Variants in CRPPA observed in about 807,000 individuals in gnomAD.
CRPPA encodes CDP-L-ribitol pyrophosphorylase A.
A neutral mutation model predicts 52.0 loss-of-function variants in CRPPA; 43 were observed. The observed-to-expected ratio is 0.83, with a 90% CI of 0.65 to 1.07. CRPPA has a LOEUF of 1.07. Ranked by LOEUF, CRPPA falls within the 50% of genes least tolerant of loss-of-function variation. CRPPA has a pLI of 0.00. For missense variants in CRPPA, 629 were observed against 551.7 expected (o/e 1.14, Z -1.40); for synonymous variants, 250 against 203.5 (o/e 1.23, Z -1.94).
intron 9 of CRPPA, among the ~76,000 whole-genome samples, chr7:16,168,358 C>A (rs1348326921): frequency 6.6e-6 from 1 of 152,022 alleles, no homozygotes; most frequent in Non-Finnish European, 1.5e-5. Flanking sequence ...TATGACATAT[C>A]TGGAATCCTT....
chr7:16,242,941 T>C (rs1783164930), intron 8 of CRPPA, among the ~76,000 whole-genome samples: 1 of 152,190 alleles, frequency 6.6e-6, no homozygotes, highest in South Asian at 2.1e-4. Flanking sequence ...CACACGACAA[T>C]TTCAGGCCAC....
chr7:16,107,739 A>T (rs1782185770), intron 9 of CRPPA, among the ~76,000 whole-genome samples: 1 of 152,126 alleles, frequency 6.6e-6, no homozygotes, highest in Non-Finnish European at 1.5e-5. Context: ...TAATGATGGT[A>T]AGACCTAGTA....
chr7:16,404,593 T>A (rs916795654), intron 2 of CRPPA, among the ~76,000 whole-genome samples: 3 of 151,078 alleles, frequency 2.0e-5, no homozygotes, highest in Admixed American at 6.6e-5. Flanking sequence ...TGAGCTTAAG[T>A]GAATTTTCCA....
chr7:16,153,995 C>T (rs1459853936), intron 9 of CRPPA, among the ~76,000 whole-genome samples: 1 of 150,804 alleles, frequency 6.6e-6, no homozygotes, highest in Admixed American at 6.7e-5. Context: ...ACAAGTGTAT[C>T]AGGAAAGCCT....
intron 8 of CRPPA, among the ~76,000 whole-genome samples, chr7:16,250,989 T>G (rs1051631810): frequency 3.3e-5 from 5 of 151,768 alleles, no homozygotes; most frequent in African/African-American, 1.2e-4. Context: ...CCATCTCACA[T>G]GCAAAGACAT....
At chr7:16,135,788 C>A (rs1170404484) in intron 9 of CRPPA, among the ~76,000 whole-genome samples, 1 of 152,140 alleles carries the variant, frequency 6.6e-6, no homozygotes, top group Non-Finnish European at 1.5e-5. Flanking sequence ...ATATGAGCAA[C>A]CACAAACAGT....
At chr7:16,294,794 A>G (rs1038835163) in intron 5 of CRPPA, among the ~76,000 whole-genome samples, 2 of 151,994 alleles carry the variant, frequency 1.3e-5, no homozygotes, top group Admixed American at 6.6e-5. Flanking sequence ...ATCCCTGGGT[A>G]TTTAACAAGA....
chr7:16,212,808 G>A (rs1048948692), intron 9 of CRPPA, among the ~76,000 whole-genome samples: 1 of 152,280 alleles, frequency 6.6e-6, no homozygotes, highest in South Asian at 2.1e-4. Flanking sequence ...GCTTGTCCGA[G>A]GTGATATAAC....
intron 5 of CRPPA, among the ~76,000 whole-genome samples, chr7:16,295,491 G>A (rs1784652318): frequency 6.6e-6 from 1 of 151,966 alleles, no homozygotes; most frequent in South Asian, 2.1e-4. Context: ...AAGTTTACTT[G>A]GGTTTGTACA....
chr7:16,385,355 A>G (rs527980949), intron 2 of CRPPA, among the ~76,000 whole-genome samples: 1 of 152,330 alleles, frequency 6.6e-6, no homozygotes, highest in Non-Finnish European at 1.5e-5. Context: ...TAGACACATC[A>G]TAGTAAAAGT....
chr7:16,151,809 G>A (rs570018803), intron 9 of CRPPA, among the ~76,000 whole-genome samples: 12 of 151,766 alleles, frequency 7.9e-5, no homozygotes, highest in African/African-American at 2.9e-4. Flanking sequence ...CATTTTCAAC[G>A]TAATTTTTCT....
chr7:16,372,902 C>T (rs932172542), intron 3 of CRPPA, among the ~76,000 whole-genome samples: 5 of 152,072 alleles, frequency 3.3e-5, no homozygotes, highest in African/African-American at 1.2e-4. Flanking sequence ...ATCCTTATAC[C>T]AGAAAAAGGG....
intron 9 of CRPPA, among the ~76,000 whole-genome samples, chr7:16,095,845 T>C (rs1781925107): frequency 6.6e-6 from 1 of 152,202 alleles, no homozygotes; most frequent in Admixed American, 6.5e-5. Context: ...TAAAAATTCC[T>C]TCAGTCCTTG....
intron 6 of CRPPA, among the ~76,000 whole-genome samples, chr7:16,262,656 G>A (rs1783839805): frequency 6.6e-6 from 1 of 152,096 alleles, no homozygotes; most frequent in Non-Finnish European, 1.5e-5. Flanking sequence ...AATTTTCTCT[G>A]TCTCTATGAG....
intron 2 of CRPPA, 125 bp from the exon 3 acceptor site, chr7:16,376,366 T>C (rs567130309): frequency 3.1e-5 from 29 of 937,912 alleles, no homozygotes; most frequent in Admixed American, 2.5e-4. Flanking sequence ...TAAGAAAACA[T>C]CTGAGTAAGT....
chr7:16,378,023 G>A (rs1468718628), intron 2 of CRPPA, among the ~76,000 whole-genome samples: 1 of 152,020 alleles, frequency 6.6e-6, no homozygotes, highest in Non-Finnish European at 1.5e-5. Context: ...AGAGTAGGGA[G>A]TTTACTCCAA....
intron 3 of CRPPA, among the ~76,000 whole-genome samples, chr7:16,370,682 C>T (rs1447885043): frequency 6.6e-6 from 1 of 152,118 alleles, no homozygotes; most frequent in Non-Finnish European, 1.5e-5. Context: ...AATTGCAGTG[C>T]TGTGCAGTAG....
In CRPPA at chr7:16,241,946, CTTTTT is replaced by C. The variant is rs71549979; in HGVS notation, c.1119+16439_1119+16443del. Among the ~76,000 whole-genome samples the C allele has an allele frequency of 7.9e-4, 44 of 55,398 alleles. 1 individual carries two copies. The highest frequency in any genetic ancestry group is 5.1e-4 in the Admixed American group (2 of 3,942). The allele number at this position is 55,398 out of a possible 152,430, so 36.3% of individuals were successfully genotyped here. A position where few individuals can be genotyped will look rare whatever the true frequency, so the allele number is the denominator to read the frequency against. On this transcript the variant is annotated intron_variant, in intron 8 of 9. Coordinates refer to ENST00000407010, the MANE Select transcript of CRPPA (RefSeq NM_001101426.4). ...TGTTTAATGTAGTTAAAAATCTATTCTTTTTTTTTTTTTTTTTTTTTTGTTGGGGG... is the reference window on the plus strand; with the variant it reads ...TGTTTAATGTAGTTAAAAATCTATTCTTTTTTTTTTTTTTTTTGTTGGGGG...
At chr7:16,384,993 A>G (rs1562669635) in intron 2 of CRPPA, among the ~76,000 whole-genome samples, 1 of 152,216 alleles carries the variant, frequency 6.6e-6, no homozygotes, top group Non-Finnish European at 1.5e-5. Flanking sequence ...GCAGTTTAAA[A>G]ATACAGAAAT....
Sources: allele counts gnomAD v4.1 joint callset (sites outside exome capture counted in the v4.1 genomes callset), GRCh38; gene constraint gnomAD v4.1.1; transcripts MANE v1.5; gene names NCBI Gene and HGNC (gene_info 2026-07-23, HGNC 2026-07-21).